Variants in SRGAP1 observed in about 807,000 individuals in gnomAD.
SRGAP1 encodes the protein SLIT-ROBO Rho GTPase activating protein 1.
Under a neutral mutation model 121.9 loss-of-function variants are expected in SRGAP1, and 43 were observed. That is an observed-to-expected ratio of 0.35 (90% CI 0.28 to 0.46). The LOEUF is 0.46. Among genes scored for constraint, SRGAP1 ranks in the 20% least tolerant of loss-of-function variants. SRGAP1 has a pLI of 1.00. For missense variants in SRGAP1, 1,102 were observed against 1,350.9 expected, an observed-to-expected ratio of 0.82 and a Z score of 2.89; for synonymous variants, 447 against 485.4, an observed-to-expected ratio of 0.92 and a Z score of 1.04.
intron 15 of SRGAP1, among the ~76,000 whole-genome samples, chr12:64,099,599 C>T (rs1314288255): frequency 6.6e-6 from 1 of 152,160 alleles, no homozygotes; most frequent in African/African-American, 2.4e-5. Context: ...GTCCATTCCA[C>T]GGCCCTTGCG....
At chr12:63,888,893 T>C (rs949045128) in intron 1 of SRGAP1, among the ~76,000 whole-genome samples, 7 of 152,254 alleles carry the variant, frequency 4.6e-5, no homozygotes, top group African/African-American at 1.7e-4. Flanking sequence ...ACAACAAGAA[T>C]ATTGGGCAGG....
intron 21 of SRGAP1, among the ~76,000 whole-genome samples, chr12:64,138,446 C>CTTT (rs60769104): frequency 1.1e-3 from 90 of 78,672 alleles, no homozygotes; most frequent in Admixed American, 2.0e-3. Context: ...AATAAATTGA[C>CTTT]TTTTTTTTTT....
At chr12:64,101,991 C>A (rs1019346460) in intron 15 of SRGAP1, among the ~76,000 whole-genome samples, 2 of 152,052 alleles carry the variant, frequency 1.3e-5, no homozygotes, top group African/African-American at 4.8e-5. Context: ...TATTGTCAAC[C>A]AAAATTCCAT....
chr12:64,087,586 A>G (rs1403693879), intron 11 of SRGAP1, among the ~76,000 whole-genome samples: 1 of 151,950 alleles, frequency 6.6e-6, no homozygotes, highest in Non-Finnish European at 1.5e-5. Flanking sequence ...ATACCAAAAA[A>G]TTAGCCGGGC....
chr12:63,919,698 C>G (rs1218920594), intron 1 of SRGAP1, among the ~76,000 whole-genome samples: 6 of 151,998 alleles, frequency 3.9e-5, no homozygotes, highest in Non-Finnish European at 8.8e-5. Context: ...TAATTTTTTT[C>G]TTTCTCTTGC....
At chr12:63,858,748 AG>A (rs1899340597) in intron 1 of SRGAP1, among the ~76,000 whole-genome samples, 1 of 152,172 alleles carries the variant, frequency 6.6e-6, no homozygotes, top group Non-Finnish European at 1.5e-5. Context: ...TCTTGTTGCC[AG>A]GCTGGAGTGC....
At chr12:63,961,078 T>C (rs2032624329) in intron 1 of SRGAP1, among the ~76,000 whole-genome samples, 1 of 152,154 alleles carries the variant, frequency 6.6e-6, no homozygotes, top group Admixed American at 6.5e-5. Flanking sequence ...CCCCACTAGA[T>C]TTGTGCTGTC....
intron 1 of SRGAP1, among the ~76,000 whole-genome samples, chr12:63,923,983 A>G (rs2031163358): frequency 6.6e-6 from 1 of 152,188 alleles, no homozygotes; most frequent in Non-Finnish European, 1.5e-5. Context: ...TCTACTAAAA[A>G]TACAAAAACT....
chr12:64,008,231 G>T (rs1438394165), intron 3 of SRGAP1, among the ~76,000 whole-genome samples: 2 of 152,120 alleles, frequency 1.3e-5, no homozygotes, highest in African/African-American at 4.8e-5. Flanking sequence ...TGAAGGTTTT[G>T]GGGGTTTTCC....
At chr12:63,933,260 T>A (rs2031544708) in intron 1 of SRGAP1, among the ~76,000 whole-genome samples, 1 of 152,040 alleles carries the variant, frequency 6.6e-6, no homozygotes, top group Admixed American at 6.6e-5. Flanking sequence ...GAACCATATG[T>A]CCTTGCAGGC....
intron 6 of SRGAP1, among the ~76,000 whole-genome samples, chr12:64,045,227 T>C (rs897737218): frequency 1.5e-4 from 23 of 152,150 alleles, no homozygotes; most frequent in Admixed American, 9.8e-4. Flanking sequence ...ACGAACTTTT[T>C]CTGTTACACT....
At chr12:63,937,134 T>C (rs1423787890) in intron 1 of SRGAP1, among the ~76,000 whole-genome samples, 1 of 152,184 alleles carries the variant, frequency 6.6e-6, no homozygotes, top group Non-Finnish European at 1.5e-5. Context: ...CACATGAATC[T>C]CATGTTGGGA....
Position 64,091,375 on chromosome 12 carries a change from C to A in SRGAP1, c.1536C>A (p.Val512=). 3 of 1,604,146 alleles carry A rather than the reference C, an allele frequency of 1.9e-6. No homozygotes were observed. Among genetic ancestry groups the A allele is most frequent in the Non-Finnish European group, 2.6e-6 (3 of 1,173,912 alleles). Residue 512 remains valine, a synonymous_variant, in exon 12 of 22, where the codon GTC becomes GTA. Transcript: ENST00000355086. ...KLFNGDLETF[V]KDSGQVIPLI... Reference sequence around the variant, plus strand: ...TTAATGGGGATTTGGAAACATTCGTCAAGGTACTGGCACCAGCCATCTGGG... The same window carrying A: ...TTAATGGGGATTTGGAAACATTCGTAAAGGTACTGGCACCAGCCATCTGGG...
rs541065753 is a variant in SRGAP1, at chr12:64,040,109, C to A, written c.490-2681C>A. On this transcript the variant is annotated intron_variant, in intron 4 of 21. Transcript: ENST00000355086. ...GGTTCTTCGTTAACCCCATGTTTTA[C>A]CCTTCAAAATAGTCATCTTGAGAAC... Among the ~76,000 whole-genome samples the A allele has an allele frequency of 1.9e-3, 288 of 152,252 alleles. 1 individual carries two copies. The highest frequency in any genetic ancestry group is 5.1e-3 in the Admixed American group (78 of 15,288).
chr12:64,067,442 A>G (rs2035560867), intron 8 of SRGAP1, among the ~76,000 whole-genome samples: 1 of 152,088 alleles, frequency 6.6e-6, no homozygotes, highest in African/African-American at 2.4e-5. Context: ...ATAAATTTTT[A>G]AAAACCTACT....
chr12:63,908,216 G>C (rs2030312115), intron 1 of SRGAP1, among the ~76,000 whole-genome samples: 1 of 151,562 alleles, frequency 6.6e-6, no homozygotes, highest in Non-Finnish European at 1.5e-5. Context: ...ATGAATTTTG[G>C]AATTAACCTG....
chr12:64,087,068 T>C (rs757801114), intron 11 of SRGAP1, 42 bp downstream of exon 11: 1 of 1,457,238 alleles, frequency 6.9e-7, no homozygotes, highest in Non-Finnish European at 9.5e-7. Context: ...TATTTTACTT[T>C]CTCTTTAACA....
intron 16 of SRGAP1, among the ~76,000 whole-genome samples, chr12:64,110,471 C>T (rs539137579): frequency 2.0e-5 from 3 of 152,162 alleles, no homozygotes; most frequent in African/African-American, 7.2e-5. Context: ...ACACAAGGGC[C>T]CAGCCTCTAG....
chr12:63,865,690 G>T (rs1271123519), intron 1 of SRGAP1, among the ~76,000 whole-genome samples: 1 of 152,202 alleles, frequency 6.6e-6, no homozygotes, highest in East Asian at 1.9e-4. Context: ...GTCGAGTGAA[G>T]TTCATTTGGC....
Sources: gnomAD v4.1 joint callset for allele counts (sites outside exome capture counted in the v4.1 genomes callset) on GRCh38, gnomAD v4.1.1 for gene constraint, MANE v1.5 for transcripts, NCBI Gene and HGNC (gene_info 2026-07-23, HGNC 2026-07-21) for gene names.